SDK1: variants seen among roughly 807,000 people sequenced by gnomAD.
SDK1 encodes the protein protein sidekick-1.
Under a neutral mutation model 245.5 loss-of-function variants are expected in SDK1, and 157 were observed. That is an observed-to-expected ratio of 0.64 (90% confidence interval 0.56 to 0.73). The LOEUF is 0.73. SDK1 is among the 30% of genes least tolerant of loss of function. The pLI, the probability that SDK1 is intolerant of heterozygous loss-of-function variation, is 0.00. For synonymous variants in SDK1, 1,647 were observed against 1,278.5 expected, an observed-to-expected ratio of 1.29 and a Z score of -6.15; for missense variants, 3,583 against 3,002.3, an observed-to-expected ratio of 1.19 and a Z score of -4.52.
At chr7:4,051,606 C>A (rs767281078) in intron 18 of SDK1, 32 bp from the exon 19 acceptor site, 3 of 1,583,232 alleles carry the variant, frequency 1.9e-6, no homozygotes, top group Non-Finnish European at 2.6e-6. Flanking sequence ...CCATTGAAAA[C>A]AGGCTGTCTT....
At chr7:4,094,270 C>T (rs1781998210) in intron 22 of SDK1, among the ~76,000 whole-genome samples, 1 of 152,154 alleles carries the variant, frequency 6.6e-6, no homozygotes, top group African/African-American at 2.4e-5. Flanking sequence ...CCATGTTGTC[C>T]AGGCTGGTCT....
At chr7:4,133,288 A>G (rs548825952) in intron 28 of SDK1, among the ~76,000 whole-genome samples, 2 of 152,324 alleles carry the variant, frequency 1.3e-5, no homozygotes, top group East Asian at 3.9e-4. Flanking sequence ...AACAAATTCT[A>G]TTTTAAAACA....
chr7:3,683,011 A>C (rs1347171758), intron 4 of SDK1, among the ~76,000 whole-genome samples: 1 of 152,196 alleles, frequency 6.6e-6, no homozygotes, highest in East Asian at 1.9e-4. Flanking sequence ...TGTGATCACA[A>C]GTATGAGCTA....
intron 1 of SDK1, among the ~76,000 whole-genome samples, chr7:3,527,225 A>G (rs148635549): frequency 6.6e-5 from 10 of 152,346 alleles, no homozygotes; most frequent in East Asian, 1.9e-4. Context: ...GTTGTAAGCA[A>G]TGGGAATGCT....
chr7:3,802,966 C>T (rs904932194), intron 4 of SDK1, among the ~76,000 whole-genome samples: 2 of 152,134 alleles, frequency 1.3e-5, no homozygotes, highest in African/African-American at 4.8e-5. Context: ...TGTAAATTTT[C>T]ATTTCTCTGA....
At chr7:3,574,359 G>A (rs910342999) in intron 1 of SDK1, among the ~76,000 whole-genome samples, 2 of 151,944 alleles carry the variant, frequency 1.3e-5, no homozygotes, top group African/African-American at 2.4e-5. Flanking sequence ...CTCATGATTC[G>A]CCCGCCTCAG....
At chr7:3,727,210 G>A (rs768067604) in intron 4 of SDK1, among the ~76,000 whole-genome samples, 2 of 152,234 alleles carry the variant, frequency 1.3e-5, no homozygotes, top group African/African-American at 4.8e-5. Context: ...TATGTACATG[G>A]CAGATAGAGA....
intron 1 of SDK1, among the ~76,000 whole-genome samples, chr7:3,439,047 T>A (rs1400140471): frequency 6.6e-6 from 1 of 151,832 alleles, no homozygotes; most frequent in Admixed American, 6.6e-5. Context: ...GAGATGGGGT[T>A]TTACCACGTT....
intron 4 of SDK1, among the ~76,000 whole-genome samples, chr7:3,791,170 A>C (rs1042040599): frequency 2.0e-5 from 3 of 152,086 alleles, no homozygotes; most frequent in African/African-American, 7.2e-5. Context: ...AACAACAAAA[A>C]AAAAAACACC....
intron 1 of SDK1, among the ~76,000 whole-genome samples, chr7:3,528,457 T>C (rs1270442998): frequency 6.6e-6 from 1 of 151,922 alleles, no homozygotes; most frequent in Non-Finnish European, 1.5e-5. Context: ...GCTTAGATTT[T>C]ATTGATTTTC....
rs559705035 is a variant in SDK1 at position 4,040,763 on chromosome 7, G to A, written c.2603-8585G>A. On this transcript the variant is annotated intron_variant, in intron 17 of 44. Coordinates refer to ENST00000404826, the MANE Select transcript of SDK1 (RefSeq NM_152744.4). ...CCCACACCCTAATCTTTTATTATGC[G>A]GATGGGTTATCTCCCCCGCTGGTGC... Among the ~76,000 whole-genome samples, 43 of 152,246 alleles carry A rather than the reference G, an allele frequency of 2.8e-4. 1 individual carries two copies. The highest frequency in any genetic ancestry group is 2.7e-3 in the Admixed American group (42 of 15,280).
At chr7:3,516,244 A>G (rs1212152378) in intron 1 of SDK1, among the ~76,000 whole-genome samples, 4 of 151,872 alleles carry the variant, frequency 2.6e-5, no homozygotes, top group African/African-American at 9.7e-5. Context: ...TGATATATAC[A>G]TAGTATGTAT....
intron 22 of SDK1, among the ~76,000 whole-genome samples, chr7:4,091,969 C>T (rs1212247727): frequency 1.3e-5 from 2 of 152,136 alleles, no homozygotes; most frequent in Non-Finnish European, 2.9e-5. Flanking sequence ...ACTCATCCCC[C>T]AGGAAAGACA....
At chr7:3,309,743 A>G (rs1370235322) in intron 1 of SDK1, among the ~76,000 whole-genome samples, 1 of 152,304 alleles carries the variant, frequency 6.6e-6, no homozygotes, top group Admixed American at 6.5e-5. Context: ...CACCTTTAAA[A>G]GGAAGAGATA....
chr7:3,693,031 A>G (rs1429474607), intron 4 of SDK1, among the ~76,000 whole-genome samples: 2 of 152,032 alleles, frequency 1.3e-5, no homozygotes, highest in East Asian at 3.8e-4. Flanking sequence ...TACAAAATAA[A>G]TGAACATATT....
intron 7 of SDK1, among the ~76,000 whole-genome samples, chr7:3,956,651 G>C (rs1042503543): frequency 1.3e-5 from 2 of 152,216 alleles, no homozygotes; most frequent in Admixed American, 6.5e-5. Flanking sequence ...GGCGGTGGCA[G>C]GCTGCCCCCC....
chr7:3,961,070 TCTG>T (rs1207643738), intron 8 of SDK1, among the ~76,000 whole-genome samples: 15 of 152,258 alleles, frequency 9.9e-5, no homozygotes, highest in Admixed American at 9.8e-4. Flanking sequence ...TTGCACGACT[TCTG>T]CAGGGTAAAC....
intron 1 of SDK1, among the ~76,000 whole-genome samples, chr7:3,440,071 T>G (rs554077986): frequency 1.3e-5 from 2 of 152,194 alleles, no homozygotes; most frequent in African/African-American, 4.8e-5. Context: ...TTTTGTAGTT[T>G]CAGTCACCTG....
intron 38 of SDK1, among the ~76,000 whole-genome samples, chr7:4,215,170 A>G (rs1312594124): frequency 1.3e-5 from 2 of 152,208 alleles, no homozygotes; most frequent in Admixed American, 1.3e-4. Flanking sequence ...CATACGTCAA[A>G]AGAAGAACGT....
Sources: gnomAD v4.1 joint callset for allele counts (sites outside exome capture counted in the v4.1 genomes callset) on GRCh38, gnomAD v4.1.1 for gene constraint, MANE v1.5 for transcripts, NCBI Gene and HGNC (gene_info 2026-07-23, HGNC 2026-07-21) for gene names.